Variants in NTN4 observed in about 807,000 individuals in gnomAD.
The protein encoded by NTN4 is netrin 4.
A neutral mutation model predicts 73.6 loss-of-function variants in NTN4; 32 were observed. The observed-to-expected ratio is 0.44, with a 90% CI of 0.33 to 0.58. The LOEUF is 0.58. NTN4 is among the 20% of genes least tolerant of loss of function. The pLI, the probability that NTN4 is intolerant of heterozygous loss-of-function variation, is 0.04. For synonymous variants in NTN4, 258 were observed against 287.5 expected (o/e 0.90, Z 1.04); for missense variants, 654 against 798.3 (o/e 0.82, Z 2.18).
intron 2 of NTN4, among the ~76,000 whole-genome samples, chr12:95,776,533 A>T (rs1565917152): frequency 6.6e-6 from 1 of 152,256 alleles, no homozygotes. Flanking sequence ...TCAGTAGCCG[A>T]TTCGATCAAC....
At chr12:95,784,554 G>C (rs1247044741) in intron 2 of NTN4, among the ~76,000 whole-genome samples, 1 of 152,112 alleles carries the variant, frequency 6.6e-6, no homozygotes. Context: ...GGATCACTAG[G>C]TCAGGAGTTC....
At chr12:95,700,080 A>ATTTTTTTTTTTTTTTTTTTTTTTT (rs56063223) in intron 5 of NTN4, among the ~76,000 whole-genome samples, 1 of 41,822 alleles carries the variant, frequency 2.4e-5, no homozygotes, top group East Asian at 7.4e-4. Context: ...TAAAGTGAGG[A>ATTTTTTTTTTTTTTTTTTTTTTTT]TTTTTTTTTT....
rs2079188916 is a variant in NTN4, at chr12:95,789,003, T to C, written c.55+1252A>G. Among the ~76,000 whole-genome samples the C allele has an allele frequency of 6.6e-6, 1 of 152,210 alleles. No homozygotes were observed. The highest frequency in any genetic ancestry group is 2.1e-4 in the South Asian group (1 of 4,830). On this transcript the variant is annotated intron_variant, in intron 1 of 9. Coordinates refer to ENST00000343702, the MANE Select transcript of NTN4 (RefSeq NM_021229.4). This position sits in a 1 kb window ranked among gnomAD's most constrained non-coding sequence, Gnocchi z 4.0. ...AGGAAAAGGTTTTTTTTAAAGCTCA[T>C]ATTTTAAGAGTGCAAGAATTAAAGT...
intron 3 of NTN4, among the ~76,000 whole-genome samples, chr12:95,725,680 T>C (rs2078688801): frequency 6.6e-6 from 1 of 152,200 alleles, no homozygotes; most frequent in South Asian, 2.1e-4. Flanking sequence ...TACTAGGGCA[T>C]GTTGTCTTCC....
intron 2 of NTN4, among the ~76,000 whole-genome samples, chr12:95,741,535 T>C (rs1319111632): frequency 7.0e-6 from 1 of 142,696 alleles, no homozygotes; most frequent in Non-Finnish European, 1.5e-5. Context: ...GTTTTATCTA[T>C]GTATGTCCCT....
chr12:95,659,081 T>G lies in NTN4; in HGVS notation c.*5A>C. On this transcript the variant is annotated 3_prime_UTR_variant, in exon 10 of 10. Transcript: ENST00000343702. ...AAGTGCCATTATGTGCTATCCATCT[T>G]AATGCTACTTGCACTCTCTTTTTAA... 1 of 1,609,452 alleles carries G rather than the reference T, an allele frequency of 6.2e-7. No homozygotes were observed. Among genetic ancestry groups the G allele is most frequent in the Non-Finnish European group, 8.5e-7 (1 of 1,178,590 alleles).
At chr12:95,756,898 C>T (rs1289789794) in intron 2 of NTN4, among the ~76,000 whole-genome samples, 2 of 152,066 alleles carry the variant, frequency 1.3e-5, no homozygotes, top group Non-Finnish European at 2.9e-5. Context: ...ATTCCGCTCC[C>T]ACCCTCTACT....
intron 5 of NTN4, among the ~76,000 whole-genome samples, chr12:95,690,441 G>T (rs969074312): frequency 2.8e-4 from 42 of 152,212 alleles, no homozygotes; most frequent in African/African-American, 9.4e-4. Context: ...AAACATTGAG[G>T]TTCTAAGGAG....
chr12:95,672,875 G>C (rs911944017), intron 7 of NTN4: 1 of 1,353,128 alleles, frequency 7.4e-7, no homozygotes, highest in Non-Finnish European at 1.1e-6. Context: ...AACAGCCTCC[G>C]GGGCATTGTC....
intron 3 of NTN4, among the ~76,000 whole-genome samples, chr12:95,715,863 A>G (rs1252367564): frequency 1.3e-5 from 2 of 152,224 alleles, no homozygotes; most frequent in East Asian, 1.9e-4. Context: ...AAATTTCTGT[A>G]AAAGCTCTCA....
At chr12:95,765,108 T>C (rs1413927635) in intron 2 of NTN4, among the ~76,000 whole-genome samples, 1 of 152,244 alleles carries the variant, frequency 6.6e-6, no homozygotes, top group Non-Finnish European at 1.5e-5. Flanking sequence ...ATAAGACATT[T>C]TACTTTAAGC....
intron 2 of NTN4, among the ~76,000 whole-genome samples, chr12:95,746,728 G>T (rs1449950930): frequency 6.6e-6 from 1 of 152,150 alleles, no homozygotes; most frequent in Non-Finnish European, 1.5e-5. Context: ...AGATTCTCGA[G>T]TCCTTAAGTC....
At chr12:95,785,699 A>G (rs928281075) in intron 2 of NTN4, among the ~76,000 whole-genome samples, 3 of 152,230 alleles carry the variant, frequency 2.0e-5, no homozygotes, top group African/African-American at 7.2e-5. Flanking sequence ...CAGAATTAGT[A>G]GCGTTGAATA....
At chr12:95,693,438 A>T (rs1313643438) in intron 5 of NTN4, among the ~76,000 whole-genome samples, 2 of 152,162 alleles carry the variant, frequency 1.3e-5, no homozygotes. Flanking sequence ...GACAAAAAAA[A>T]TTAACTTATT....
intron 2 of NTN4, among the ~76,000 whole-genome samples, chr12:95,777,898 T>C (rs2079105638): frequency 9.6e-6 from 1 of 103,990 alleles, no homozygotes; most frequent in South Asian, 4.2e-4. Flanking sequence ...TATTCCAAAA[T>C]TGACCACATA....
chr12:95,733,367 A>G (rs932401377), intron 3 of NTN4, among the ~76,000 whole-genome samples: 6 of 152,206 alleles, frequency 3.9e-5, no homozygotes, highest in Admixed American at 3.3e-4. Flanking sequence ...AACATGTCAA[A>G]CAGCACATAA....
chr12:95,686,403 G>A (rs965005449), intron 5 of NTN4, among the ~76,000 whole-genome samples: 1 of 152,184 alleles, frequency 6.6e-6, no homozygotes, highest in African/African-American at 2.4e-5. Context: ...ATCAACAAAG[G>A]AGGGATCATT....
At chr12:95,790,918 C>T (rs1367774066), upstream of NTN4, among the ~76,000 whole-genome samples, 1 of 115,350 alleles carries the variant, frequency 8.7e-6, no homozygotes, top group Non-Finnish European at 1.8e-5. This position sits in a 1 kb window ranked among gnomAD's most constrained non-coding sequence, Gnocchi z 6.5. Context: ...TCGCCGCTGC[C>T]GCTGCCGCCC....
chr12:95,722,066 TC>T (rs141960289), intron 3 of NTN4, among the ~76,000 whole-genome samples: 2 of 149,412 alleles, frequency 1.3e-5, no homozygotes, highest in African/African-American at 5.0e-5. Context: ...ATTCAGTAGA[TC>T]TTTTTTTTTT....
Sources: allele counts gnomAD v4.1 joint callset (sites outside exome capture counted in the v4.1 genomes callset), GRCh38; gene constraint gnomAD v4.1.1; non-coding constraint Gnocchi (gnomAD v3.1); transcripts MANE v1.5; gene names NCBI Gene and HGNC (gene_info 2026-07-23, HGNC 2026-07-21).